Variants in ARMC8 observed in about 807,000 individuals in gnomAD.
ARMC8 encodes armadillo repeat-containing protein 8.
ARMC8 carries 20 observed loss-of-function variants against 99.3 expected under a neutral mutation model. The observed-to-expected ratio is 0.20, with a 90% confidence interval of 0.14 to 0.29. The LOEUF is 0.29. Among genes scored for constraint, ARMC8 ranks in the 10% least tolerant of loss-of-function variants. The pLI, the probability that ARMC8 is intolerant of heterozygous loss-of-function variation, is 1.00. For synonymous variants in ARMC8, 263 were observed against 278.3 expected, an observed-to-expected ratio of 0.95 and a Z score of 0.55; for missense variants, 569 against 809.5, an observed-to-expected ratio of 0.70 and a Z score of 3.60.
intron 9 of ARMC8, 33 bp downstream of exon 9, chr3:138,237,605 G>C (rs201557056): frequency 6.4e-6 from 10 of 1,555,424 alleles, no homozygotes; most frequent in Non-Finnish European, 7.9e-6. Context: ...AAGAAAGACA[G>C]TGCTTTATCA....
At position 138,296,106 on chromosome 3, in the gene ARMC8, G is replaced by GT; in HGVS notation, c.*214_*215insT. 2.0e-6 allele frequency: 1 copy of GT among 490,338 alleles called. No individual in the cohort carries two copies. Among genetic ancestry groups the GT allele is most frequent in the Non-Finnish European group, 3.6e-6 (1 of 280,542 alleles). 30.4% of individuals were successfully genotyped at this position (490,338 alleles called of 1,614,324 possible). A position where few individuals can be genotyped will look rare whatever the true frequency, so the allele number is the denominator to read the frequency against. On this transcript the variant is annotated 3_prime_UTR_variant, in exon 22 of 22. Coordinates refer to ENST00000469044, the MANE Select transcript of ARMC8 (RefSeq NM_001363941.2). ...TCAGAAGACTCTTGTGTTTTGTTTTGGTTTTTTTTTCTGAGCTACTCGGAC... is the reference window on the plus strand; with the variant it reads ...TCAGAAGACTCTTGTGTTTTGTTTTGTGTTTTTTTTTCTGAGCTACTCGGAC...
intron 2 of ARMC8, among the ~76,000 whole-genome samples, chr3:138,214,359 T>C (rs1410427148): frequency 1.3e-5 from 2 of 152,022 alleles, no homozygotes; most frequent in Non-Finnish European, 2.9e-5. Context: ...TTTTTTTTTT[T>C]TCCCCCACCA....
At chr3:138,199,473 T>A (rs1344258055) in intron 1 of ARMC8, among the ~76,000 whole-genome samples, 2 of 152,186 alleles carry the variant, frequency 1.3e-5, no homozygotes, top group Non-Finnish European at 2.9e-5. Context: ...GTGGATAGTG[T>A]TATCCTTTTT....
At chr3:138,196,649 A>G (rs1206533805) in intron 1 of ARMC8, among the ~76,000 whole-genome samples, 1 of 152,090 alleles carries the variant, frequency 6.6e-6, no homozygotes, top group African/African-American at 2.4e-5. Context: ...CAGGTGGATC[A>G]TCTGAGGTCA....
chr3:138,211,640 A>G (rs1467939677), intron 2 of ARMC8, among the ~76,000 whole-genome samples: 1 of 152,234 alleles, frequency 6.6e-6, no homozygotes, highest in African/African-American at 2.4e-5. Context: ...ATGGTAGAGT[A>G]GAAGGAGCGT....
At chr3:138,272,422 G>A (rs1321242162) in intron 16 of ARMC8, among the ~76,000 whole-genome samples, 2 of 151,276 alleles carry the variant, frequency 1.3e-5, no homozygotes, top group East Asian at 3.8e-4. Flanking sequence ...ACATTCAAAT[G>A]TCTGTACCTA....
intron 21 of ARMC8, among the ~76,000 whole-genome samples, chr3:138,294,671 T>G (rs984142738): frequency 6.6e-6 from 1 of 152,168 alleles, no homozygotes; most frequent in Non-Finnish European, 1.5e-5. Context: ...ACCTGAACAT[T>G]GTAGACTTTC....
intron 19 of ARMC8, 147 bp downstream of exon 19, chr3:138,284,673 T>G: frequency 1.6e-6 from 1 of 622,660 alleles, no homozygotes; most frequent in Non-Finnish European, 2.7e-6. Context: ...TCTTCCATCC[T>G]GAAGAAAAAG....
Position 138,264,115 on chromosome 3 carries a change from T to G in ARMC8, c.1218-16T>G, listed in dbSNP as rs779125196. The G allele has an allele frequency of 1.2e-6, 2 of 1,605,342 alleles. No homozygotes were observed. The highest frequency in any genetic ancestry group is 2.2e-5 in the East Asian group (1 of 44,768). ...TTTTGATTTCTTGTGAAGCTAATTT[T>G]GATTATTCTTTGTAGATGTTTGCAC... On this transcript the variant is annotated splice_polypyrimidine_tract_variant and intron_variant, in intron 13 of 21. Transcript: ENST00000469044.
At chr3:138,203,020 A>G (rs913651435) in intron 1 of ARMC8, among the ~76,000 whole-genome samples, 4 of 152,200 alleles carry the variant, frequency 2.6e-5, no homozygotes, top group African/African-American at 4.8e-5. Flanking sequence ...AGTTTATTCA[A>G]TCAAAGGGAC....
At chr3:138,263,605 ATTGT>A (rs1320729914) in intron 12 of ARMC8, 130 bp from the exon 13 acceptor site, 10 of 791,750 alleles carry the variant, frequency 1.3e-5, no homozygotes, top group South Asian at 9.1e-5. Context: ...GCGCAAGATG[ATTGT>A]TTGAGAGGTA....
intron 18 of ARMC8, among the ~76,000 whole-genome samples, chr3:138,280,601 C>T (rs2049807831): frequency 6.6e-6 from 1 of 151,716 alleles, no homozygotes; most frequent in South Asian, 2.1e-4. Context: ...TCACGCCATT[C>T]TCCTGCCTCA....
At chr3:138,196,066 G>A (rs994226178) in intron 1 of ARMC8, among the ~76,000 whole-genome samples, 2 of 152,154 alleles carry the variant, frequency 1.3e-5, no homozygotes, top group African/African-American at 4.8e-5. Flanking sequence ...TTTACCACCT[G>A]GAAAGTAATT....
chr3:138,259,388 T>TTTGTATCCA (rs1263428728), intron 12 of ARMC8, among the ~76,000 whole-genome samples: 1 of 152,232 alleles, frequency 6.6e-6, no homozygotes, highest in Non-Finnish European at 1.5e-5. Context: ...TATAGTGCCC[T>TTTGTATCCA]TTGTATCCAT....
intron 2 of ARMC8, among the ~76,000 whole-genome samples, chr3:138,216,045 ATTTTTTT>A (rs755521341): frequency 1.6e-5 from 2 of 128,536 alleles, no homozygotes; most frequent in African/African-American, 5.7e-5. Flanking sequence ...TGCCCAGCTA[ATTTTTTT>A]TTTTTTTTTT....
At chr3:138,258,891 C>A (rs1191656505) in intron 12 of ARMC8, among the ~76,000 whole-genome samples, 1 of 152,234 alleles carries the variant, frequency 6.6e-6, no homozygotes, top group Non-Finnish European at 1.5e-5. Context: ...ACTACAAGTA[C>A]CCCTTCTGGC....
intron 18 of ARMC8, 71 bp from the exon 19 acceptor site, chr3:138,284,360 C>T: frequency 8.2e-7 from 1 of 1,226,592 alleles, no homozygotes; most frequent in South Asian, 1.2e-5. Flanking sequence ...AAAAATTGCC[C>T]AAGCTCTTGA....
chr3:138,215,839 A>C (rs1395545123), intron 2 of ARMC8, among the ~76,000 whole-genome samples: 1 of 151,624 alleles, frequency 6.6e-6, no homozygotes, highest in Non-Finnish European at 1.5e-5. Context: ...TAAACTTTTC[A>C]TGGTTTATTT....
intron 18 of ARMC8, among the ~76,000 whole-genome samples, chr3:138,276,319 T>C (rs1338082368): frequency 6.6e-6 from 1 of 152,206 alleles, no homozygotes; most frequent in Non-Finnish European, 1.5e-5. Context: ...ATACAGTGTT[T>C]CAGTTTTGAC....
Sources: gnomAD v4.1 joint callset for allele counts (sites outside exome capture counted in the v4.1 genomes callset) on GRCh38, gnomAD v4.1.1 for gene constraint, MANE v1.5 for transcripts, NCBI Gene and HGNC (gene_info 2026-07-23, HGNC 2026-07-21) for gene names.